Variants in FAM83G observed in about 807,000 individuals in gnomAD.
The protein encoded by FAM83G is protein FAM83G.
In FAM83G, 38 loss-of-function variants were observed where a neutral mutation model predicts 61.5. The ratio of observed to expected loss-of-function variants is 0.62; its 90% CI spans 0.48 to 0.81. The LOEUF is 0.81. Among genes scored for constraint, FAM83G ranks in the 30% least tolerant of loss-of-function variants. The pLI, the probability that FAM83G is intolerant of heterozygous loss-of-function variation, is 0.00. For missense variants in FAM83G, 989 were observed against 1,133.6 expected (o/e 0.87, Z 1.83); for synonymous variants, 470 against 476.1 (o/e 0.99, Z 0.17).
At chr17:18,994,579 G>A (rs554559275) in intron 2 of FAM83G, among the ~76,000 whole-genome samples, 1 of 152,298 alleles carries the variant, frequency 6.6e-6, no homozygotes, top group East Asian at 1.9e-4. Context: ...GAGAACCACC[G>A]GAAAGGGGTG....
At chr17:18,990,242 C>G (rs1782128098) in intron 2 of FAM83G, among the ~76,000 whole-genome samples, 1 of 152,192 alleles carries the variant, frequency 6.6e-6, no homozygotes, top group Non-Finnish European at 1.5e-5. Flanking sequence ...AGGCCAGAGA[C>G]TGCTTGGAGC....
At chr17:18,973,884 GTTTTTTTTTTTT>G (rs35778801) in intron 5 of FAM83G, among the ~76,000 whole-genome samples, 1 of 95,740 alleles carries the variant, frequency 1.0e-5, no homozygotes, top group Admixed American at 1.4e-4. Context: ...TTTTTTTTAA[GTTTTTTTTTTTT>G]TTTTTTTTTT....
chr17:18,988,370 G>A lies in FAM83G; in HGVS notation c.567C>T (p.Phe189=). The change falls in exon 3 of 6, where the codon TTC becomes TTT. Residue 189 remains phenylalanine, a synonymous_variant. Coordinates refer to ENST00000388995, the MANE Select transcript of FAM83G (RefSeq NM_001039999.3). ...TGAAGCCGGCGTCCAGCAGGTCCTT[G>A]AAGATGTCCACGTCGGTGAACATGT... ...VMDMFTDVDI[F]KDLLDAGFKR... is the part of the protein sequence containing the mutation. The A allele has an allele frequency of 6.2e-7, 1 of 1,614,240 alleles. No homozygotes were observed.
Position 18,971,153 on chromosome 17 carries a change from C to G in FAM83G, c.*206G>C. ...GTTTCGAGACCCCCACACAGGGGAC[C>G]TGCCGTGGACCGGGATGACCTTTGG... is the stretch of plus-strand genomic sequence containing the variant. On this transcript the variant is annotated 3_prime_UTR_variant, in exon 6 of 6. Coordinates refer to ENST00000388995, the MANE Select transcript of FAM83G (RefSeq NM_001039999.3). This position sits in a 1 kb window ranked among gnomAD's most constrained non-coding sequence, Gnocchi z 5.5. 1 of 1,614,124 alleles carries G rather than the reference C, an allele frequency of 6.2e-7. No individual in the cohort carries two copies. The highest frequency in any genetic ancestry group is 8.5e-7 in the Non-Finnish European group (1 of 1,180,048).
rs1207718900 is a variant in FAM83G, at chr17:18,977,693, G to T, written c.1973C>A (p.Thr658Asn). 1 of 1,610,504 alleles carries T rather than the reference G, an allele frequency of 6.2e-7. No homozygotes were observed. Among genetic ancestry groups the T allele is most frequent in the Admixed American group, 1.7e-5 (1 of 59,886 alleles). The change falls in exon 5 of 6, where the codon ACC (threonine) becomes AAC (asparagine). Residue 658 changes from threonine (T) to asparagine (N), a missense_variant. Physicochemically the swap from Thr to Asn is moderately conservative, Grantham distance 65. Coordinates refer to ENST00000388995, the MANE Select transcript of FAM83G (RefSeq NM_001039999.3). ...GGAGCCACCCTGGGGTCCAACAAAG[G>T]TCCCTCGGGTTATATGGGGGGCACT... is the stretch of plus-strand genomic sequence containing the variant. Reference protein sequence around the residue: ...QLSAPHITRGTFVGPQGGSPW... With the variant: ...QLSAPHITRGNFVGPQGGSPW...
chr17:18,979,087 A>C, intron 4 of FAM83G: 1 of 580,702 alleles, frequency 1.7e-6, no homozygotes, highest in Non-Finnish European at 3.1e-6. Context: ...TGCTCCTCTC[A>C]GGCTGGTACA....
intron 3 of FAM83G, among the ~76,000 whole-genome samples, chr17:18,986,945 G>C (rs528070315): frequency 1.4e-4 from 22 of 152,366 alleles, no homozygotes; most frequent in African/African-American, 5.3e-4. Flanking sequence ...ACGCGGCGGG[G>C]AGTGAGGTGG....
chr17:18,984,332 CAAAAAAAAAAAA>C (rs1176935676), intron 3 of FAM83G, among the ~76,000 whole-genome samples: 1 of 68,004 alleles, frequency 1.5e-5, no homozygotes, highest in Non-Finnish European at 3.0e-5. Context: ...GACTCCCTCT[CAAAAAAAAAAAA>C]AAAAAAAAAA....
Position 18,971,429 on chromosome 17 carries a change from C to T in FAM83G, c.2402G>A (p.Gly801Asp). The change falls in exon 6 of 6, where the codon GGC (glycine) becomes GAC (aspartate). Residue 801 changes from glycine (G) to aspartate (D), a missense_variant. By Grantham distance (94) the Gly-to-Asp change is moderately conservative. This residue lies in a region of FAM83G where 574 missense variants were observed against 645.1 expected (regional missense o/e 0.89). Transcript: ENST00000388995. The surrounding 1 kb of genome is among the most constrained non-coding windows in gnomAD (Gnocchi z 5.5). ...SQSKHLKARTGGSQWASSDSK... is the reference protein window; with the variant it reads ...SQSKHLKARTDGSQWASSDSK... ...ATCCGATGAGGCCCACTGGCTACCG[C>T]CCGTCCTGGCCTTTAGGTGCTTCGA... The T allele has an allele frequency of 6.2e-7, 1 of 1,613,844 alleles. No homozygotes were observed. The highest frequency in any genetic ancestry group is 8.5e-7 in the Non-Finnish European group (1 of 1,180,018).
intron 5 of FAM83G, chr17:18,975,792 CAT>C: frequency 6.6e-6 from 1 of 152,276 alleles, no homozygotes; most frequent in East Asian, 1.9e-4. Flanking sequence ...GTTTCAGAGT[CAT>C]AGGTCGTACA....
At chr17:18,977,398 G>A (rs999554060) in intron 5 of FAM83G, 186 bp downstream of exon 5, 1 of 630,908 alleles carries the variant, frequency 1.6e-6, no homozygotes, top group Non-Finnish European at 2.7e-6. Context: ...CAGCATTAAT[G>A]ATGGCCTTCC....
rs1333633294 is a variant in FAM83G at position 18,978,221 on chromosome 17, G to A, written c.1445C>T (p.Ala482Val). ...PEPCPPPEPS[A>V]PQDGVPAENG... ...CTCAGCTGGGACACCGTCCTGGGGG[G>A]CACTGGGCTCTGGGGGAGGGCAAGG... The change falls in exon 5 of 6, where the codon GCC (alanine) becomes GTC (valine). Residue 482 changes from alanine to valine, a missense_variant. Physicochemically the swap from Ala to Val is moderately conservative, Grantham distance 64 (BLOSUM62 0). Coordinates refer to ENST00000388995, the MANE Select transcript of FAM83G (RefSeq NM_001039999.3). 2 of 1,579,582 alleles carry A rather than the reference G, an allele frequency of 1.3e-6. No individual in the cohort carries two copies. Among genetic ancestry groups the A allele is most frequent in the African/African-American group, 1.3e-5 (1 of 74,424 alleles).
intron 4 of FAM83G, 147 bp downstream of exon 4, chr17:18,979,402 A>G: frequency 1.1e-6 from 1 of 930,748 alleles, no homozygotes; most frequent in Non-Finnish European, 1.6e-6. Context: ...AGAGACAGAC[A>G]GGCGGGCAGA....
intron 2 of FAM83G, among the ~76,000 whole-genome samples, chr17:18,992,453 G>A (rs781479462): frequency 3.3e-5 from 5 of 152,210 alleles, no homozygotes; most frequent in Non-Finnish European, 7.3e-5. Flanking sequence ...ACACAAAGGA[G>A]AACCCCACCT....
rs1301129542 is a variant in FAM83G at position 18,969,077 on chromosome 17, T to C, written c.*2282A>G. On this transcript the variant is annotated 3_prime_UTR_variant, in exon 6 of 6. Coordinates refer to ENST00000388995, the MANE Select transcript of FAM83G (RefSeq NM_001039999.3). ...CTGGACCTGTACGCGGGGGCTCTGT[T>C]TGTGCACATCTGCCTGGGCTGGAAC... 1.2e-6 allele frequency: 2 copies of C among 1,613,858 alleles called. No individual in the cohort carries two copies. The highest frequency in any genetic ancestry group is 2.7e-5 in the African/African-American group (2 of 74,902).
At chr17:18,992,148 G>A (rs765591006) in intron 2 of FAM83G, among the ~76,000 whole-genome samples, 5 of 152,100 alleles carry the variant, frequency 3.3e-5, no homozygotes, top group African/African-American at 4.8e-5. Flanking sequence ...GCCCTCCAGC[G>A]CCCCGCCCGA....
chr17:18,970,537 G>GTGTAGATCTC lies in FAM83G; in HGVS notation c.*821_*822insGAGATCTACA. The stretch of plus-strand genomic sequence containing the variant: ...GTCTCCCTCTTCTCTGTGCCTCAGG[G>GTGTAGATCTC]GGTGGGGCCACATCACCACCAGCCA... On this transcript the variant is annotated 3_prime_UTR_variant, in exon 6 of 6. Coordinates refer to ENST00000388995, the MANE Select transcript of FAM83G (RefSeq NM_001039999.3). 5.8e-6 allele frequency: 1 copy of GTGTAGATCTC among 173,184 alleles called. No individual in the cohort carries two copies. The highest frequency in any genetic ancestry group is 1.4e-4 in the South Asian group (1 of 7,248). The allele number at this position is 173,184 out of a possible 1,614,324, so 10.7% of individuals were successfully genotyped here.
chr17:18,988,318 C>T lies in FAM83G; in HGVS notation c.619G>A (p.Val207Met), dbSNP rs117556970. ...AAGTACTTGACGTTACTCTCATCCA[C>T]GATGATGTACACGGCCACTTTCCTC... ...FKRKVAVYIIVDESNVKYFLH... is the reference protein window; with the variant it reads ...FKRKVAVYIIMDESNVKYFLH... Residue 207 changes from valine (V) to methionine (M), a missense_variant, in exon 3 of 6, where the codon GTG becomes ATG. Physicochemically the swap from Val to Met is conservative, Grantham distance 21. This residue lies in a region of FAM83G where 371 missense variants were observed against 404.5 expected (regional missense o/e 0.92). Coordinates refer to ENST00000388995, the MANE Select transcript of FAM83G (RefSeq NM_001039999.3). 359 of 1,614,228 alleles carry T rather than the reference C, an allele frequency of 2.2e-4. 1 individual carries two copies. In the East Asian group the frequency reaches 6.7e-3, roughly 30 times the overall value.
intron 2 of FAM83G, among the ~76,000 whole-genome samples, chr17:18,999,734 G>A (rs983689565): frequency 6.6e-6 from 1 of 152,250 alleles, no homozygotes; most frequent in Non-Finnish European, 1.5e-5. Context: ...ATCAGGCTTC[G>A]TGAAACCTGG....
Sources: allele counts gnomAD v4.1 joint callset (sites outside exome capture counted in the v4.1 genomes callset), GRCh38; gene constraint gnomAD v4.1.1; regional missense constraint gnomAD v4.1.1; non-coding constraint Gnocchi (gnomAD v3.1); transcripts MANE v1.5; gene names NCBI Gene and HGNC (gene_info 2026-07-23, HGNC 2026-07-21).